The following EXOC6 variants were observed in gnomAD, a reference collection of about 807,000 sequenced individuals.
EXOC6 encodes exocyst complex component 6, also known as SEC15-like 1.
In EXOC6, 60 loss-of-function variants were observed where a neutral mutation model predicts 112.5. That is an observed-to-expected ratio of 0.53 (90% CI 0.43 to 0.66). EXOC6 has a LOEUF of 0.66. Ranked by LOEUF, EXOC6 falls within the 30% of genes least tolerant of loss-of-function variation. EXOC6 has a pLI of 0.00. For missense variants in EXOC6, 855 were observed against 957.1 expected (o/e 0.89, Z 1.41); for synonymous variants, 295 against 308.0 (o/e 0.96, Z 0.44).
At position 93,019,837 on chromosome 10, in the gene EXOC6, C is replaced by T. The variant is rs370210852; in HGVS notation, c.2169+5570C>T. On this transcript the variant is annotated intron_variant, in intron 20 of 21. Coordinates refer to ENST00000260762, the MANE Select transcript of EXOC6 (RefSeq NM_019053.6). ...CCAGTTCATACCGATATTAGAGGCA[C>T]AGTCTGATGGCAAATGCTCAGCTTG... Among the ~76,000 whole-genome samples the T allele has an allele frequency of 5.3e-5, 8 of 152,264 alleles. No homozygotes were observed. In the East Asian group the frequency reaches 9.7e-4, roughly 18 times the overall value.
chr10:92,851,491 C>CA (rs992886551), intron 1 of EXOC6, among the ~76,000 whole-genome samples: 1 of 151,378 alleles, frequency 6.6e-6, no homozygotes, highest in African/African-American at 2.4e-5. Flanking sequence ...ACTAAAAATA[C>CA]AAAAAAATAT....
At chr10:92,945,628 T>G (rs185237064) in intron 13 of EXOC6, among the ~76,000 whole-genome samples, 54 of 152,362 alleles carry the variant, frequency 3.5e-4, no homozygotes, top group Non-Finnish European at 6.6e-4. Context: ...CCATAGTAAC[T>G]GGTTCCCTGG....
At chr10:92,985,229 A>G (rs887670194) in intron 18 of EXOC6, among the ~76,000 whole-genome samples, 2 of 151,692 alleles carry the variant, frequency 1.3e-5, no homozygotes, top group East Asian at 3.9e-4. Context: ...CATTGGTACA[A>G]TTGTTTCAGA....
Position 92,913,192 on chromosome 10 carries a change from A to G in EXOC6, c.664-2566A>G, listed in dbSNP as rs776056970. Among the ~76,000 whole-genome samples, 8 of 152,320 alleles carry G rather than the reference A, an allele frequency of 5.3e-5. No individual in the cohort carries two copies. In the East Asian group the frequency reaches 1.5e-3, roughly 29 times the overall value. ...GTGTCTCCTGTTTCCACAATTCCAG[A>G]AACTGGGGAGTATTTTAAACTTTTC... On this transcript the variant is annotated intron_variant, in intron 6 of 21. Coordinates refer to ENST00000260762, the MANE Select transcript of EXOC6 (RefSeq NM_019053.6).
chr10:92,835,297 G>A (rs994093498), intron 1 of EXOC6, among the ~76,000 whole-genome samples: 1 of 152,010 alleles, frequency 6.6e-6, no homozygotes, highest in East Asian at 1.9e-4. Flanking sequence ...TCCATATAAG[G>A]TTTATTTATT....
intron 20 of EXOC6, among the ~76,000 whole-genome samples, chr10:93,049,838 G>C (rs1376132138): frequency 2.0e-5 from 3 of 152,170 alleles, no homozygotes; most frequent in South Asian, 2.1e-4. Flanking sequence ...AAAGTGCTAG[G>C]ATTACAGGGG....
At chr10:92,952,457 C>A (rs1853475141) in intron 15 of EXOC6, 75 bp downstream of exon 15, 3 of 916,468 alleles carry the variant, frequency 3.3e-6, no homozygotes, top group Non-Finnish European at 3.5e-6. Flanking sequence ...TATGCCATAA[C>A]TTTTTTTTCC....
intron 1 of EXOC6, among the ~76,000 whole-genome samples, chr10:92,881,584 A>G (rs959760382): frequency 2.0e-5 from 3 of 152,198 alleles, no homozygotes; most frequent in African/African-American, 7.2e-5. Context: ...AATGCTTAAT[A>G]TTGGTAGAAG....
At chr10:93,006,829 C>T (rs757864992) in intron 19 of EXOC6, among the ~76,000 whole-genome samples, 12 of 152,066 alleles carry the variant, frequency 7.9e-5, no homozygotes, top group Non-Finnish European at 1.6e-4. Context: ...CATATTCAGC[C>T]ATTTATTTAG....
chr10:92,855,722 C>T (rs1187101955), intron 1 of EXOC6, among the ~76,000 whole-genome samples: 1 of 151,510 alleles, frequency 6.6e-6, no homozygotes, highest in Non-Finnish European at 1.5e-5. Context: ...ATTTTTATTT[C>T]TGTAACATTC....
At chr10:93,010,727 G>A (rs889162348) in intron 19 of EXOC6, among the ~76,000 whole-genome samples, 2 of 149,628 alleles carry the variant, frequency 1.3e-5, no homozygotes, top group Non-Finnish European at 3.0e-5. Context: ...AAATGGACTC[G>A]GCAACTTTTA....
intron 1 of EXOC6, among the ~76,000 whole-genome samples, chr10:92,876,224 A>G (rs1004280127): frequency 1.3e-5 from 2 of 152,204 alleles, no homozygotes; most frequent in African/African-American, 4.8e-5. Context: ...TATTAAATCT[A>G]AAATAATTTC....
intron 1 of EXOC6, among the ~76,000 whole-genome samples, chr10:92,837,598 G>C (rs1180946104): frequency 6.6e-6 from 1 of 152,196 alleles, no homozygotes; most frequent in Non-Finnish European, 1.5e-5. Context: ...AGGAAGTCAA[G>C]ACTGCGGCGA....
chr10:92,870,647 T>C (rs1165468729), intron 1 of EXOC6, among the ~76,000 whole-genome samples: 1 of 152,168 alleles, frequency 6.6e-6, no homozygotes, highest in Non-Finnish European at 1.5e-5. Flanking sequence ...AATGTTACAC[T>C]CATTTCATTA....
chr10:92,873,389 C>CT (rs939171168), intron 1 of EXOC6, among the ~76,000 whole-genome samples: 1 of 152,132 alleles, frequency 6.6e-6, no homozygotes, highest in Non-Finnish European at 1.5e-5. Context: ...CGACACTAGA[C>CT]TTTTTTCTGT....
intron 1 of EXOC6, among the ~76,000 whole-genome samples, chr10:92,840,580 A>G (rs1338693397): frequency 6.6e-6 from 1 of 152,166 alleles, no homozygotes; most frequent in Non-Finnish European, 1.5e-5. Flanking sequence ...TGAAATTCTG[A>G]GCAGGTGTGA....
chr10:92,932,693 A>G (rs1328227638), intron 9 of EXOC6, among the ~76,000 whole-genome samples: 1 of 152,172 alleles, frequency 6.6e-6, no homozygotes, highest in Non-Finnish European at 1.5e-5. Context: ...TGCTTCAAAC[A>G]AAAGGAATGT....
In EXOC6 at chr10:93,017,126, T is replaced by G. The variant is rs552984713; in HGVS notation, c.2169+2859T>G. The stretch of plus-strand genomic sequence containing the variant: ...CCACTGCACTCAGCCTAACCATGGC[T>G]ATTCTAAGTCTTTTGTCATCTACAG... On this transcript the variant is annotated intron_variant, in intron 20 of 21. Transcript: ENST00000260762. 1.4e-3 allele frequency among the ~76,000 whole-genome samples: 218 copies of G among 152,096 alleles called. 1 individual carries two copies. The highest frequency in any genetic ancestry group is 1.7e-3 in the Non-Finnish European group (117 of 67,980).
chr10:92,897,956 C>T (rs997174191), intron 4 of EXOC6, among the ~76,000 whole-genome samples: 2 of 152,154 alleles, frequency 1.3e-5, no homozygotes, highest in African/African-American at 4.8e-5. Context: ...ACTTCTGAGA[C>T]TGTGTCATGG....
Sources: gnomAD v4.1 joint callset for allele counts (sites outside exome capture counted in the v4.1 genomes callset) on GRCh38, gnomAD v4.1.1 for gene constraint, MANE v1.5 for transcripts, NCBI Gene and HGNC (gene_info 2026-07-23, HGNC 2026-07-21) for gene names.